Variants in ABCC8 observed in about 807,000 individuals in gnomAD.
ABCC8 encodes ATP binding cassette subfamily C member 8.
In ABCC8, 137 loss-of-function variants were observed where a neutral mutation model predicts 188.0. That is an observed-to-expected ratio of 0.73 (90% confidence interval 0.63 to 0.84). The LOEUF (loss-of-function observed/expected upper bound fraction) is 0.84. ABCC8 is among the 40% of genes least tolerant of loss of function. The pLI, the probability that ABCC8 is intolerant of heterozygous loss-of-function variation, is 0.00. For missense variants in ABCC8, 1,750 were observed against 2,072.7 expected, an observed-to-expected ratio of 0.84 and a Z score of 3.02; for synonymous variants, 797 against 846.5, an observed-to-expected ratio of 0.94 and a Z score of 1.01.
intron 6 of ABCC8, among the ~76,000 whole-genome samples, chr11:17,456,794 G>C (rs548216463): frequency 1.3e-5 from 2 of 152,330 alleles, no homozygotes; most frequent in African/African-American, 4.8e-5. Context: ...GTTATGAGAA[G>C]TCAATGTAAC....
At chr11:17,469,247 A>G (rs1183025589) in intron 3 of ABCC8, among the ~76,000 whole-genome samples, 1 of 152,016 alleles carries the variant, frequency 6.6e-6, no homozygotes, top group South Asian at 2.1e-4. Context: ...GCGTGCCACC[A>G]TGCCCAGCTA....
intron 2 of ABCC8, 48 bp from the exon 3 acceptor site, chr11:17,470,270 G>A (rs772999625): frequency 1.9e-6 from 3 of 1,612,310 alleles, no homozygotes; most frequent in South Asian, 1.1e-5. Flanking sequence ...GCTAAGTACT[G>A]CAATAGAGCA....
At chr11:17,446,212 A>G (rs1027247907) in intron 8 of ABCC8, among the ~76,000 whole-genome samples, 5 of 152,004 alleles carry the variant, frequency 3.3e-5, no homozygotes, top group Admixed American at 2.6e-4. Flanking sequence ...GTGAACCATC[A>G]GCCTCAGCCT....
chr11:17,412,204 A>G (rs954721333), intron 21 of ABCC8, among the ~76,000 whole-genome samples: 3 of 152,078 alleles, frequency 2.0e-5, no homozygotes, highest in Admixed American at 6.6e-5. Flanking sequence ...GTTTTATCTC[A>G]TGTTTGATGG....
intron 36 of ABCC8, among the ~76,000 whole-genome samples, chr11:17,394,834 C>T (rs979881097): frequency 6.6e-6 from 1 of 152,132 alleles, no homozygotes; most frequent in Non-Finnish European, 1.5e-5. Context: ...ATCTTCTCCT[C>T]CCCTAAGGCA....
At chr11:17,417,268 G>A (rs927291730) in intron 16 of ABCC8, among the ~76,000 whole-genome samples, 1 of 152,162 alleles carries the variant, frequency 6.6e-6, no homozygotes, top group Non-Finnish European at 1.5e-5. Flanking sequence ...ATCCCAGAGA[G>A]GGAAAGTGAG....
Position 17,460,578 on chromosome 11 carries a change from G to A in ABCC8, c.921C>T (p.Ile307=). The change falls in exon 6 of 39, where the codon ATC becomes ATT. Residue 307 remains isoleucine (I), a synonymous_variant. Coordinates refer to ENST00000389817, the MANE Select transcript of ABCC8 (RefSeq NM_000352.6). The stretch of plus-strand genomic sequence containing the variant: ...CGGCGAAGCCCAGCAGGTCGGCCAA[G>A]ATGCGGAAAGTGCTGCTGAGGACCA... ...RRLVLSSTFR[I]LADLLGFAGP... The A allele has an allele frequency of 6.2e-7, 1 of 1,613,886 alleles. No homozygotes were observed. Among genetic ancestry groups the A allele is most frequent in the Non-Finnish European group, 8.5e-7 (1 of 1,180,044 alleles).
In ABCC8 at chr11:17,476,691, T is replaced by C. The variant is rs1591934736; in HGVS notation, c.86A>G (p.Asp29Gly). The change falls in exon 1 of 39, where the codon GAC becomes GGC. Residue 29 changes from aspartate to glycine, a missense_variant. Asp to Gly is a moderately conservative substitution (Grantham distance 94). Transcript: ENST00000389817. ...QGVLNNGCFV[D>G]ALNVVPHVFL... ...GACGTGCGGCACCACGTTGAGCGCG[T>C]CCACAAAGCAGCCGTTGTTGAGGAC... is the stretch of plus-strand genomic sequence containing the variant. 1.2e-6 allele frequency: 2 copies of C among 1,611,556 alleles called. No individual in the cohort carries two copies. The highest frequency in any genetic ancestry group is 1.7e-6 in the Non-Finnish European group (2 of 1,179,232).
In ABCC8 at chr11:17,399,016, C is replaced by G. The variant is rs1052448400; in HGVS notation, c.3651-575G>C. 4.9e-5 allele frequency: 8 copies of G among 163,170 alleles called. 1 individual carries two copies. The South Asian group carries it at 1.3e-3, about 27-fold the overall frequency. 10.1% of individuals were successfully genotyped at this position (163,170 alleles called of 1,614,324 possible). A position where few individuals can be genotyped will look rare whatever the true frequency, so the allele number is the denominator to read the frequency against. ...GGATGCGGTGACTCACCCCTGTAAT[C>G]CCAGCACTTTGGGAGGCTGAGGCGG... On this transcript the variant is annotated intron_variant, in intron 29 of 38. Transcript: ENST00000389817.
chr11:17,462,755 T>G (rs1360139955), intron 4 of ABCC8, among the ~76,000 whole-genome samples: 3 of 150,784 alleles, frequency 2.0e-5, no homozygotes, highest in Admixed American at 2.0e-4. Context: ...TTGGAGGGAG[T>G]CCCAAGAGAT....
intron 2 of ABCC8, among the ~76,000 whole-genome samples, chr11:17,471,648 A>G (rs756694981): frequency 3.9e-4 from 59 of 152,370 alleles, no homozygotes; most frequent in Non-Finnish European, 7.6e-4. Flanking sequence ...GATCTCTGTC[A>G]TAAAGGAGAG....
chr11:17,447,934 T>C (rs1230072299), intron 8 of ABCC8, among the ~76,000 whole-genome samples: 29 of 152,246 alleles, frequency 1.9e-4, no homozygotes, highest in Non-Finnish European at 1.5e-5. Context: ...TGTGTGAATC[T>C]GTACAAATGT....
chr11:17,401,430 TG>T (rs1473946458), intron 29 of ABCC8, among the ~76,000 whole-genome samples: 1 of 152,030 alleles, frequency 6.6e-6, no homozygotes, highest in African/African-American at 2.4e-5. Flanking sequence ...CCCTAAGAGG[TG>T]GATTTCCACT....
chr11:17,417,384 A>AT (rs1171599909), intron 16 of ABCC8, among the ~76,000 whole-genome samples: 14 of 152,346 alleles, frequency 9.2e-5, no homozygotes, highest in African/African-American at 2.9e-4. Flanking sequence ...AAGAAAAAAA[A>AT]AGAATAGATG....
At chr11:17,423,294 T>C (rs1358028395) in intron 16 of ABCC8, among the ~76,000 whole-genome samples, 2 of 139,546 alleles carry the variant, frequency 1.4e-5, no homozygotes, top group East Asian at 2.1e-4. Flanking sequence ...GAGGCAGAGC[T>C]TGTGAGGAGC....
At position 17,428,629 on chromosome 11, in the gene ABCC8, C is replaced by T. The variant is rs771879279; in HGVS notation, c.1859G>A (p.Arg620His). The T allele has an allele frequency of 2.4e-5, 38 of 1,613,988 alleles. No homozygotes were observed. The highest frequency in any genetic ancestry group is 4.5e-5 in the East Asian group (2 of 44,878). The change falls in exon 13 of 39, where the codon CGT (arginine) becomes CAT (histidine). Residue 620 changes from arginine to histidine, a missense_variant. By Grantham distance (29) the Arg-to-His change is conservative (BLOSUM62 0). Transcript: ENST00000389817. ...LSEFLSSAEI[R>H]EEQCAPHEPT... The stretch of plus-strand genomic sequence containing the variant: ...CTCATGGGGGGCACACTGCTCCTCA[C>T]GGATCTCTGCACTGGACAGGAACTC...
At position 17,414,527 on chromosome 11, in the gene ABCC8, G is replaced by T; in HGVS notation, c.2375C>A (p.Pro792His). 1 of 1,614,222 alleles carries T rather than the reference G, an allele frequency of 6.2e-7. No individual in the cohort carries two copies. Among genetic ancestry groups the T allele is most frequent in the South Asian group, 1.1e-5 (1 of 91,084 alleles). ...TVEENIIFES[P>H]FNKQRYKMVI... ...AGGCTTTTACCGTTGTTTGTTGAAG[G>T]GACTCTCAAAGATGATGTTCTCCTC... The change falls in exon 19 of 39, where the codon CCC (proline) becomes CAC (histidine). Residue 792 changes from proline to histidine, a missense_variant. By Grantham distance (77) the Pro-to-His change is moderately conservative (BLOSUM62 -2). Transcript: ENST00000389817.
chr11:17,412,332 A>C (rs918667367), intron 21 of ABCC8, among the ~76,000 whole-genome samples: 5 of 152,258 alleles, frequency 3.3e-5, no homozygotes, highest in African/African-American at 1.2e-4. Context: ...GGGAAGTGGC[A>C]GCACACATTC....
intron 16 of ABCC8, among the ~76,000 whole-genome samples, chr11:17,418,906 G>A (rs543193019): frequency 1.3e-5 from 2 of 152,272 alleles, no homozygotes; most frequent in African/African-American, 2.4e-5. Flanking sequence ...AAGAAAGGGC[G>A]GGGCTGGCTC....
Sources: allele counts gnomAD v4.1 joint callset (sites outside exome capture counted in the v4.1 genomes callset), GRCh38; gene constraint gnomAD v4.1.1; transcripts MANE v1.5; gene names NCBI Gene and HGNC (gene_info 2026-07-23, HGNC 2026-07-21).